ENTREP2: variants seen among roughly 807,000 people sequenced by gnomAD.
ENTREP2 encodes endosomal transmembrane epsin interactor 2, also known as protein ENTREP2.
At chr15:29,296,405 A>G in the ENTREP2 span, among the ~76,000 whole-genome samples, 4 of 152,212 alleles carry the variant, frequency 2.6e-5, no homozygotes, top group African/African-American at 9.7e-5. Context: ...AAGATGCTAT[A>G]GAAGGCAGAA....
At chr15:29,231,104 T>C in the ENTREP2 span, among the ~76,000 whole-genome samples, 1 of 152,164 alleles carries the variant, frequency 6.6e-6, no homozygotes, top group Non-Finnish European at 1.5e-5. Context: ...TTAAAAGTTA[T>C]AATGCTGATG....
chr15:29,370,188 G>T, the ENTREP2 span, among the ~76,000 whole-genome samples: 1 of 152,046 alleles, frequency 6.6e-6, no homozygotes, highest in Non-Finnish European at 1.5e-5. Flanking sequence ...CAATTAAAAG[G>T]CAGAAATTTC....
At chr15:29,572,681 T>G in the ENTREP2 span, among the ~76,000 whole-genome samples, 1 of 152,084 alleles carries the variant, frequency 6.6e-6, no homozygotes, top group East Asian at 1.9e-4. Context: ...TGTATACTAT[T>G]CAAAAAATAG....
At chr15:29,331,349 G>A in the ENTREP2 span, among the ~76,000 whole-genome samples, 3 of 151,956 alleles carry the variant, frequency 2.0e-5, no homozygotes, top group South Asian at 6.2e-4. Flanking sequence ...ATGGGCTGGG[G>A]ACACCTCTCA....
chr15:29,149,669 T>TG, the ENTREP2 span, among the ~76,000 whole-genome samples: 1 of 152,176 alleles, frequency 6.6e-6, no homozygotes, highest in Non-Finnish European at 1.5e-5. Flanking sequence ...CCACAGGCAG[T>TG]GATGTGCCCA....
At chr15:29,348,902 C>T in the ENTREP2 span, among the ~76,000 whole-genome samples, 1 of 152,324 alleles carries the variant, frequency 6.6e-6, no homozygotes, top group East Asian at 1.9e-4. Context: ...TGTGGCCTAA[C>T]TTCTGAATTC....
the ENTREP2 span, among the ~76,000 whole-genome samples, chr15:29,178,675 A>C: frequency 6.6e-6 from 1 of 152,110 alleles, no homozygotes; most frequent in Admixed American, 6.6e-5. Flanking sequence ...GCCCTATAAA[A>C]GAAAAGCCCT....
chr15:29,428,505 G>A, the ENTREP2 span, among the ~76,000 whole-genome samples: 32 of 151,890 alleles, frequency 2.1e-4, no homozygotes, highest in African/African-American at 5.6e-4. Context: ...GTGAGCCACC[G>A]TGCCCAGCCA....
the ENTREP2 span, among the ~76,000 whole-genome samples, chr15:29,442,651 C>T: frequency 6.6e-6 from 1 of 152,294 alleles, no homozygotes; most frequent in African/African-American, 2.4e-5. Context: ...CTCGAGAGCC[C>T]ACCTGGCCAA....
chr15:29,560,389 G>A, the ENTREP2 span, among the ~76,000 whole-genome samples: 2 of 152,220 alleles, frequency 1.3e-5, no homozygotes, highest in South Asian at 4.1e-4. Flanking sequence ...CAAATGCAGA[G>A]ACCTGTGTGA....
the ENTREP2 span, among the ~76,000 whole-genome samples, chr15:29,527,747 C>T: frequency 2.0e-5 from 3 of 152,206 alleles, no homozygotes; most frequent in Admixed American, 2.0e-4. Flanking sequence ...AACACACACA[C>T]AACACACAAG....
chr15:29,662,230 A>AAAAG, the ENTREP2 span, among the ~76,000 whole-genome samples: 5 of 150,136 alleles, frequency 3.3e-5, no homozygotes, highest in East Asian at 3.9e-4. Context: ...AAAAAAAAAA[A>AAAAG]AAAGAAAGAA....
At chr15:29,137,417 C>G in the ENTREP2 span, among the ~76,000 whole-genome samples, 1 of 152,172 alleles carries the variant, frequency 6.6e-6, no homozygotes, top group African/African-American at 2.4e-5. Flanking sequence ...ATACAGAATG[C>G]CTCTTTTTAA....
the ENTREP2 span, among the ~76,000 whole-genome samples, chr15:29,474,094 C>CG: frequency 6.6e-6 from 1 of 152,188 alleles, no homozygotes. Context: ...TAGTTACAGA[C>CG]GGGCTTGCGA....
the ENTREP2 span, chr15:29,234,297 C>G: frequency 1.2e-6 from 2 of 1,611,798 alleles, no homozygotes; most frequent in Non-Finnish European, 1.7e-6. Context: ...TCTTTCGGGT[C>G]AAAAAGATAT....
chr15:29,474,306 T>C, the ENTREP2 span, among the ~76,000 whole-genome samples: 5 of 151,898 alleles, frequency 3.3e-5, no homozygotes, highest in Admixed American at 6.6e-5. Context: ...CTACCCCAAG[T>C]CTCAGAAAGG....
At chr15:29,655,744 A>T in the ENTREP2 span, among the ~76,000 whole-genome samples, 2 of 152,274 alleles carry the variant, frequency 1.3e-5, no homozygotes, top group South Asian at 2.1e-4. Context: ...ACAAAAAACA[A>T]ACCGGGCACA....
At chr15:29,420,178 A>T in the ENTREP2 span, among the ~76,000 whole-genome samples, 1 of 152,216 alleles carries the variant, frequency 6.6e-6, no homozygotes, top group East Asian at 1.9e-4. Context: ...AGTGGGGCTA[A>T]TTTGGTGTAG....
the ENTREP2 span, among the ~76,000 whole-genome samples, chr15:29,620,103 C>T: frequency 2.0e-5 from 3 of 152,036 alleles, no homozygotes; most frequent in South Asian, 4.2e-4. Flanking sequence ...AGTTTATGTA[C>T]GTTTTTTGCT....
Sources: gnomAD v4.1 joint callset for allele counts (sites outside exome capture counted in the v4.1 genomes callset) on GRCh38, gnomAD v4.1.1 for gene constraint, MANE v1.5 for transcripts, NCBI Gene and HGNC (gene_info 2026-07-23, HGNC 2026-07-21) for gene names.